PPP4R4: variants seen among roughly 807,000 people sequenced by gnomAD.
The protein encoded by PPP4R4 is protein phosphatase 4 regulatory subunit 4, also known as serine/threonine-protein phosphatase 4 regulatory subunit 4.
Under a neutral mutation model 121.8 loss-of-function variants are expected in PPP4R4, and 70 were observed. The ratio of observed to expected loss-of-function variants is 0.57; its 90% CI spans 0.47 to 0.70. The LOEUF (loss-of-function observed/expected upper bound fraction) is 0.70, where lower values mean the gene tolerates loss of function less well. PPP4R4 is among the 30% of genes least tolerant of loss of function. The pLI, the probability that PPP4R4 is intolerant of heterozygous loss-of-function variation, is 0.00. For synonymous variants in PPP4R4, 348 were observed against 355.7 expected, an observed-to-expected ratio of 0.98 and a Z score of 0.24; for missense variants, 875 against 1,033.6, an observed-to-expected ratio of 0.85 and a Z score of 2.10.
At chr14:94,175,904 G>C (rs1455147800) in intron 1 of PPP4R4, 150 bp from the exon 2 acceptor site, 1 of 650,504 alleles carries the variant, frequency 1.5e-6, no homozygotes, top group Non-Finnish European at 2.7e-6. Flanking sequence ...ATGTCGCCTG[G>C]TATCCTCAGC....
intron 19 of PPP4R4, among the ~76,000 whole-genome samples, chr14:94,262,855 C>T (rs917700725): frequency 2.0e-5 from 3 of 151,956 alleles, no homozygotes; most frequent in African/African-American, 7.2e-5. Flanking sequence ...CTTATTTTTA[C>T]CTTCATTCCT....
intron 2 of PPP4R4, among the ~76,000 whole-genome samples, chr14:94,200,311 A>G (rs564319876): frequency 6.6e-6 from 1 of 152,236 alleles, no homozygotes; most frequent in South Asian, 2.1e-4. Context: ...TAAACTTCTA[A>G]TCTGTAAGTC....
chr14:94,192,362 C>G (rs966595544), intron 2 of PPP4R4, among the ~76,000 whole-genome samples: 1 of 152,114 alleles, frequency 6.6e-6, no homozygotes, highest in African/African-American at 2.4e-5. Context: ...TATCAGTCAT[C>G]TTTGCCTTAC....
intron 23 of PPP4R4, among the ~76,000 whole-genome samples, chr14:94,272,301 A>C (rs1894379504): frequency 6.6e-6 from 1 of 152,220 alleles, no homozygotes; most frequent in South Asian, 2.1e-4. Flanking sequence ...TATTGGCAAA[A>C]GAATAGTCAA....
chr14:94,225,334 T>C (rs1322459131), intron 3 of PPP4R4, among the ~76,000 whole-genome samples: 1 of 152,072 alleles, frequency 6.6e-6, no homozygotes, highest in Admixed American at 6.5e-5. Flanking sequence ...AGCATGTAAT[T>C]TGGGGCCTGC....
intron 23 of PPP4R4, among the ~76,000 whole-genome samples, chr14:94,267,554 A>G (rs890656710): frequency 3.3e-5 from 5 of 152,208 alleles, no homozygotes; most frequent in African/African-American, 1.2e-4. Flanking sequence ...CGGTGTTCCA[A>G]TAAAACTTTA....
chr14:94,265,474 G>A lies in PPP4R4; in HGVS notation c.2284+1G>A. 5.6e-6 allele frequency: 9 copies of A among 1,598,858 alleles called. No individual in the cohort carries two copies. In the South Asian group the frequency reaches 8.9e-5, roughly 16 times the overall value. ...CCCTCTTCTGTCACCCCATCGACAA[G>A]TAAGAAATAACTTCTTTTTATATCT... is the stretch of plus-strand genomic sequence containing the variant. On this transcript the variant is annotated splice_donor_variant, in intron 21 of 24. Transcript: ENST00000304338. LOFTEE classifies it high-confidence loss of function.
intron 2 of PPP4R4, among the ~76,000 whole-genome samples, chr14:94,199,629 C>G (rs142532875): frequency 1.6e-4 from 25 of 152,246 alleles, no homozygotes; most frequent in African/African-American, 6.0e-4. Flanking sequence ...TAGCTCTCAG[C>G]AGATGGGGGA....
intron 2 of PPP4R4, among the ~76,000 whole-genome samples, chr14:94,206,393 A>G (rs554732314): frequency 9.9e-5 from 15 of 152,086 alleles, no homozygotes; most frequent in Admixed American, 4.6e-4. Context: ...ATATAGTCGA[A>G]TCATTTTTAA....
chr14:94,240,474 T>G (rs748406182), intron 8 of PPP4R4, among the ~76,000 whole-genome samples, 199 bp from the exon 9 acceptor site: 1 of 152,118 alleles, frequency 6.6e-6, no homozygotes, highest in Non-Finnish European at 1.5e-5. Flanking sequence ...AACCTGACAT[T>G]AAAGTTTTTG....
chr14:94,244,506 A>T, intron 11 of PPP4R4, 129 bp from the exon 12 acceptor site: 1 of 738,046 alleles, frequency 1.4e-6, no homozygotes, highest in East Asian at 4.8e-5. Flanking sequence ...ATCTAATTTT[A>T]TATTTGTGTT....
intron 23 of PPP4R4, among the ~76,000 whole-genome samples, chr14:94,271,220 T>C (rs1894311380): frequency 6.6e-6 from 1 of 152,132 alleles, no homozygotes; most frequent in Admixed American, 6.5e-5. Context: ...AAGAAAAGAA[T>C]AATACATACC....
At chr14:94,200,706 T>G (rs1402872893) in intron 2 of PPP4R4, among the ~76,000 whole-genome samples, 1 of 152,192 alleles carries the variant, frequency 6.6e-6, no homozygotes, top group Non-Finnish European at 1.5e-5. Context: ...CTAATTGAGC[T>G]TATTTGGATC....
intron 23 of PPP4R4, among the ~76,000 whole-genome samples, chr14:94,271,394 C>T (rs979296427): frequency 3.3e-5 from 5 of 152,142 alleles, no homozygotes; most frequent in African/African-American, 1.2e-4. Context: ...ATCACACTAA[C>T]AGGCCAAGGA....
chr14:94,189,917 C>T (rs1405693122), intron 2 of PPP4R4, among the ~76,000 whole-genome samples: 1 of 152,218 alleles, frequency 6.6e-6, no homozygotes, highest in Non-Finnish European at 1.5e-5. Context: ...CAGTGCCTGG[C>T]ACCCAGCAGT....
intron 5 of PPP4R4, 111 bp downstream of exon 5, chr14:94,231,426 AAT>A: frequency 1.2e-6 from 1 of 830,594 alleles, no homozygotes; most frequent in Non-Finnish European, 1.9e-6. Flanking sequence ...TTTCATTTTG[AAT>A]GTAACACGTG....
At position 94,279,197 on chromosome 14, in the gene PPP4R4, T is replaced by C. The variant is rs1357776926; in HGVS notation, c.*554T>C. 6.6e-6 allele frequency: 1 copy of C among 152,634 alleles called. No homozygotes were observed. Among genetic ancestry groups the C allele is most frequent in the Non-Finnish European group, 1.5e-5 (1 of 68,032 alleles). 9.5% of individuals were successfully genotyped at this position (152,634 alleles called of 1,614,324 possible). ...GGCCCTCCGGATTGTGGTGACAATATGTTGTACCCGGACATTCCCAAATTT... is the reference window on the plus strand; with the variant it reads ...GGCCCTCCGGATTGTGGTGACAATACGTTGTACCCGGACATTCCCAAATTT... On this transcript the variant is annotated 3_prime_UTR_variant, in exon 25 of 25. Coordinates refer to ENST00000304338, the MANE Select transcript of PPP4R4 (RefSeq NM_058237.2).
At chr14:94,174,823 G>A (rs114330606) in intron 1 of PPP4R4, among the ~76,000 whole-genome samples, 3,279 of 152,052 alleles carry the variant, frequency 0.022, 110 homozygotes, top group African/African-American at 0.075. Flanking sequence ...CCCAAGGGAC[G>A]GGTCCCTGCC....
chr14:94,210,757 G>A (rs533130059), intron 3 of PPP4R4, among the ~76,000 whole-genome samples: 16 of 152,248 alleles, frequency 1.1e-4, no homozygotes, highest in Non-Finnish European at 1.6e-4. Flanking sequence ...TGAAGAATAA[G>A]GCAAATGAGA....
Sources: allele counts gnomAD v4.1 joint callset (sites outside exome capture counted in the v4.1 genomes callset), GRCh38; gene constraint gnomAD v4.1.1; transcripts MANE v1.5; gene names NCBI Gene and HGNC (gene_info 2026-07-23, HGNC 2026-07-21).